IFT74: variants seen among roughly 807,000 people sequenced by gnomAD.
The protein encoded by IFT74 is intraflagellar transport 74.
IFT74 carries 92 observed loss-of-function variants against 96.7 expected under a neutral mutation model. That is an observed-to-expected ratio of 0.95 (90% CI 0.80 to 1.13). IFT74 has a LOEUF of 1.13. IFT74 is among the 50% of genes most tolerant of loss of function. The pLI is 0.00. For synonymous variants in IFT74, 223 were observed against 213.2 expected (o/e 1.05, Z -0.40); for missense variants, 811 against 698.2 (o/e 1.16, Z -1.82).
chr9:26,957,909 C>T (rs1268131916), intron 1 of IFT74, among the ~76,000 whole-genome samples: 1 of 151,868 alleles, frequency 6.6e-6, no homozygotes, highest in Admixed American at 6.6e-5. Flanking sequence ...GCCACCACGC[C>T]CGGATAATTT....
Position 27,063,442 on chromosome 9 carries a change from A to G in IFT74, c.*706A>G, listed in dbSNP as rs953807013. 4.6e-5 allele frequency among the ~76,000 whole-genome samples: 7 copies of G among 152,186 alleles called. No individual in the cohort carries two copies. The highest frequency in any genetic ancestry group is 1.7e-4 in the African/African-American group (7 of 41,550). On this transcript the variant is annotated 3_prime_UTR_variant, in exon 20 of 20. Coordinates refer to ENST00000380062, the MANE Select transcript of IFT74 (RefSeq NM_025103.4). ...CAGTATGCATTTACTCTCTTGTACT[A>G]TTAGGAGAACTTAAGTAGATTAATT...
intron 2 of IFT74, among the ~76,000 whole-genome samples, chr9:26,968,777 G>T (rs1251900922): frequency 1.3e-5 from 2 of 151,120 alleles, no homozygotes; most frequent in Non-Finnish European, 3.0e-5. Context: ...TTTCATTTCT[G>T]ATTATATTTA....
intron 18 of IFT74, among the ~76,000 whole-genome samples, chr9:27,058,210 A>G (rs748485746): frequency 4.1e-4 from 62 of 150,672 alleles, no homozygotes; most frequent in Non-Finnish European, 7.7e-4. Context: ...TGCCTCAGCC[A>G]CTGAGTAGCT....
intron 8 of IFT74, chr9:26,993,071 T>G (rs1827958840): frequency 6.6e-6 from 1 of 152,240 alleles, no homozygotes; most frequent in Non-Finnish European, 1.5e-5. Flanking sequence ...TCCTGCACTT[T>G]CTAGTTAATA....
rs780841355 is a variant in IFT74 at position 27,029,076 on chromosome 9, A to G, written c.1026A>G (p.Gln342=). The G allele has an allele frequency of 3.1e-6, 5 of 1,603,074 alleles. No homozygotes were observed. The highest frequency in any genetic ancestry group is 1.3e-5 in the African/African-American group (1 of 74,498). The change falls in exon 13 of 20, where the codon CAA becomes CAG. Residue 342 remains glutamine (Q), a synonymous_variant. Coordinates refer to ENST00000380062, the MANE Select transcript of IFT74 (RefSeq NM_025103.4). ...KINQFIEEIR[Q]LDMDLEEHQG... ...ATCAGTTTATTGAAGAAATTAGACA[A>G]CTTGACATGGATTTAGAGGAACACC... is the stretch of plus-strand genomic sequence containing the variant.
intron 2 of IFT74, among the ~76,000 whole-genome samples, chr9:26,966,700 C>G (rs1483216396): frequency 1.3e-5 from 2 of 151,908 alleles, no homozygotes; most frequent in Non-Finnish European, 2.9e-5. Flanking sequence ...TTCATTTTTG[C>G]TTTGGTTTCC....
chr9:27,040,401 T>A (rs1819418701), intron 13 of IFT74, among the ~76,000 whole-genome samples: 1 of 151,890 alleles, frequency 6.6e-6, no homozygotes, highest in African/African-American at 2.4e-5. Context: ...AAACAAAAAT[T>A]AGCTGGGCAT....
intron 12 of IFT74, among the ~76,000 whole-genome samples, chr9:27,025,720 T>C (rs1434548485): frequency 6.6e-6 from 1 of 152,156 alleles, no homozygotes; most frequent in African/African-American, 2.4e-5. Flanking sequence ...GCCAAGAATT[T>C]TGTATCCATT....
In IFT74 at chr9:26,979,030, G is replaced by A. The variant is rs368118040; in HGVS notation, c.256+767G>A. ...GTGGTGAGCTGTTTCAGAGTTTTTCGTTTTCTGTATTTTTGACAGATGATC... is the reference window on the plus strand; with the variant it reads ...GTGGTGAGCTGTTTCAGAGTTTTTCATTTTCTGTATTTTTGACAGATGATC... On this transcript the variant is annotated intron_variant, in intron 3 of 19. Coordinates refer to ENST00000380062, the MANE Select transcript of IFT74 (RefSeq NM_025103.4). Among the ~76,000 whole-genome samples the A allele has an allele frequency of 1.1e-4, 16 of 151,948 alleles. No homozygotes were observed. The South Asian group carries it at 2.3e-3, about 22-fold the overall frequency.
At chr9:26,980,789 A>G (rs1459751203) in intron 4 of IFT74, among the ~76,000 whole-genome samples, 170 bp downstream of exon 4, 2 of 152,144 alleles carry the variant, frequency 1.3e-5, no homozygotes, top group Non-Finnish European at 2.9e-5. Context: ...TTTCTGGTTA[A>G]TTTGGCTATG....
intron 16 of IFT74, among the ~76,000 whole-genome samples, chr9:27,053,810 C>G (rs1373934264): frequency 2.0e-5 from 3 of 152,134 alleles, no homozygotes; most frequent in Non-Finnish European, 4.4e-5. Context: ...TCCAAATAGT[C>G]AAAATATCTA....
chr9:26,994,231 A>G (rs2131561770), intron 8 of IFT74: 1 of 152,310 alleles, frequency 6.6e-6, no homozygotes, highest in South Asian at 2.1e-4. Flanking sequence ...GTAAAGTTTT[A>G]CATAAATCCT....
chr9:26,961,848 C>G, intron 1 of IFT74, 101 bp from the exon 2 acceptor site: 1 of 1,289,438 alleles, frequency 7.8e-7, no homozygotes, highest in Non-Finnish European at 1.1e-6. Context: ...CGGCAGTTTG[C>G]AAGAACAATT....
chr9:27,024,093 C>T (rs1829740003), intron 12 of IFT74, among the ~76,000 whole-genome samples: 1 of 152,224 alleles, frequency 6.6e-6, no homozygotes, highest in African/African-American at 2.4e-5. Flanking sequence ...ACAGAACAAT[C>T]CTGCTCCAAG....
intron 19 of IFT74, 35 bp downstream of exon 19, chr9:27,060,686 C>A: frequency 1.3e-6 from 2 of 1,516,160 alleles, no homozygotes; most frequent in Non-Finnish European, 9.1e-7. Context: ...GGGCCGGGTG[C>A]GGTGGCTCAT....
At chr9:27,005,094 C>T (rs1221420947) in intron 8 of IFT74, among the ~76,000 whole-genome samples, 6 of 152,054 alleles carry the variant, frequency 3.9e-5, no homozygotes, top group Non-Finnish European at 8.8e-5. Context: ...TAATAATACA[C>T]AATTAACTTT....
chr9:27,011,818 A>C (rs578058979), intron 9 of IFT74, 88 bp from the exon 10 acceptor site: 16 of 688,888 alleles, frequency 2.3e-5, no homozygotes, highest in Middle Eastern at 5.2e-4. Context: ...CAGAGAAATA[A>C]ATTTTTTTTC....
At chr9:26,999,740 T>TTA in intron 8 of IFT74, 1 of 1,423,004 alleles carries the variant, frequency 7.0e-7, no homozygotes, top group Non-Finnish European at 9.6e-7. Flanking sequence ...AAGGACATTT[T>TTA]TATTTTTCCC....
chr9:26,991,608 T>G (rs1338420030), intron 8 of IFT74, among the ~76,000 whole-genome samples: 2 of 152,152 alleles, frequency 1.3e-5, no homozygotes, highest in African/African-American at 4.8e-5. Context: ...AAAATTTTGT[T>G]CATGGTAACC....
Sources: gnomAD v4.1 joint callset for allele counts (sites outside exome capture counted in the v4.1 genomes callset) on GRCh38, gnomAD v4.1.1 for gene constraint, MANE v1.5 for transcripts, NCBI Gene and HGNC (gene_info 2026-07-23, HGNC 2026-07-21) for gene names.